Variants in RSL1D1 observed in about 807,000 individuals in gnomAD.
RSL1D1 encodes ribosomal L1 domain-containing protein 1.
Under a neutral mutation model 44.6 loss-of-function variants are expected in RSL1D1, and 34 were observed. The ratio of observed to expected loss-of-function variants is 0.76; its 90% CI spans 0.58 to 1.02. RSL1D1 has a LOEUF of 1.02. RSL1D1 is among the 50% of genes least tolerant of loss of function. The probability of loss-of-function intolerance (pLI) is 0.00; values close to 1 mark genes in which losing one functional copy is unlikely to be tolerated. For missense variants in RSL1D1, 767 were observed against 568.1 expected, an observed-to-expected ratio of 1.35 and a Z score of -3.56; for synonymous variants, 271 against 207.4, an observed-to-expected ratio of 1.31 and a Z score of -2.63.
At chr16:11,838,909 A>G (rs999962982) in intron 8 of RSL1D1, among the ~76,000 whole-genome samples, 3 of 151,456 alleles carry the variant, frequency 2.0e-5, no homozygotes, top group African/African-American at 7.3e-5. Flanking sequence ...TCCTGGTCCA[A>G]TCAGAGGAAA....
In RSL1D1 at chr16:11,839,704, T is replaced by C; in HGVS notation, c.1137A>G (p.Glu379=). The part of the protein sequence containing the change: ...VPIGKKTPAN[E]KVEIQKHATG... ...AATATTAAAACAATACCTCTACTTTTTCATTAGCTGGAGTCTTCTTTCCTA... is the reference window on the plus strand; with the variant it reads ...AATATTAAAACAATACCTCTACTTTCTCATTAGCTGGAGTCTTCTTTCCTA... Residue 379 remains glutamate (E), a synonymous_variant, in exon 8 of 9, where the codon GAA becomes GAG. Transcript: ENST00000571133. 1 of 1,613,710 alleles carries C rather than the reference T, an allele frequency of 6.2e-7. No individual in the cohort carries two copies. The highest frequency in any genetic ancestry group is 1.6e-4 in the Middle Eastern group (1 of 6,062).
At chr16:11,843,398 C>T (rs1320928285) in intron 5 of RSL1D1, among the ~76,000 whole-genome samples, 2 of 151,858 alleles carry the variant, frequency 1.3e-5, no homozygotes, top group African/African-American at 4.8e-5. Flanking sequence ...GCTGGTAGCA[C>T]CTGACTGTGA....
Position 11,834,453 on chromosome 16 carries a change from T to C in RSL1D1, c.*3334A>G, listed in dbSNP as rs1384597507. ...AACAGGAAAGTAAACACCTGTGTCA[T>C]GTTCAACAAGACTGAACTACGGAGC... On this transcript the variant is annotated 3_prime_UTR_variant, in exon 9 of 9. Transcript: ENST00000571133. 1.3e-5 allele frequency: 2 copies of C among 152,264 alleles called. No homozygotes were observed. Among genetic ancestry groups the C allele is most frequent in the East Asian group, 1.9e-4 (1 of 5,220 alleles). 9.4% of individuals were successfully genotyped at this position (152,264 alleles called of 1,614,324 possible).
intron 1 of RSL1D1, 24 bp downstream of exon 1, chr16:11,851,384 C>T: frequency 6.2e-7 from 1 of 1,609,060 alleles, no homozygotes; most frequent in Non-Finnish European, 8.5e-7. Context: ...TGCTTCCAAG[C>T]CACCCTCCCC....
At chr16:11,845,114 G>A (rs1305626892) in intron 5 of RSL1D1, among the ~76,000 whole-genome samples, 2 of 152,156 alleles carry the variant, frequency 1.3e-5, no homozygotes, top group African/African-American at 4.8e-5. Flanking sequence ...GTTAAACCAA[G>A]AATGAGGTGG....
rs746433125 is a variant in RSL1D1, at chr16:11,846,895, A to T, written c.385-52T>A. On this transcript the variant is annotated intron_variant, in intron 3 of 8. Coordinates refer to ENST00000571133, the MANE Select transcript of RSL1D1 (RefSeq NM_015659.3). ...CAAGAAGTTAGGAATCTAAACAAGG[A>T]GAAGAAATACTTAGGCAACAATTTG... 7.4e-6 allele frequency: 11 copies of T among 1,481,764 alleles called. No homozygotes were observed. In the Admixed American group the frequency reaches 1.8e-4, roughly 25 times the overall value. 91.8% of individuals were successfully genotyped at this position (1,481,764 alleles called of 1,614,324 possible).
intron 5 of RSL1D1, among the ~76,000 whole-genome samples, chr16:11,844,896 C>T (rs998421182): frequency 3.3e-5 from 5 of 152,220 alleles, no homozygotes; most frequent in African/African-American, 4.8e-5. Context: ...TAAGTCACTT[C>T]TCAGCCTAAT....
chr16:11,848,380 G>T (rs2053813707), intron 2 of RSL1D1, among the ~76,000 whole-genome samples: 1 of 152,148 alleles, frequency 6.6e-6, no homozygotes, highest in African/African-American at 2.4e-5. Flanking sequence ...ACTTCCAAAT[G>T]CTTGCATATA....
chr16:11,850,178 T>C, intron 2 of RSL1D1, 101 bp downstream of exon 2: 1 of 1,180,002 alleles, frequency 8.5e-7, no homozygotes, highest in Non-Finnish European at 1.2e-6. Context: ...ATTTTTATTA[T>C]AAGTTTGCAA....
Position 11,833,865 on chromosome 16 carries a change from A to C in RSL1D1, c.*3922T>G, listed in dbSNP as rs952011464. On this transcript the variant is annotated 3_prime_UTR_variant, in exon 9 of 9. Coordinates refer to ENST00000571133, the MANE Select transcript of RSL1D1 (RefSeq NM_015659.3). The stretch of plus-strand genomic sequence containing the variant: ...AATACATTCATGGCATTTAAAATGA[A>C]ATTTTAATTATTACGATTCCTAAAA... 2 of 151,544 alleles carry C rather than the reference A, an allele frequency of 1.3e-5. No individual in the cohort carries two copies. The highest frequency in any genetic ancestry group is 2.9e-5 in the Non-Finnish European group (2 of 68,004). The allele number at this position is 151,544 out of a possible 1,614,324, so 9.4% of individuals were successfully genotyped here.
chr16:11,835,196 CTCTTTT>C lies in RSL1D1; in HGVS notation c.*2585_*2590del, dbSNP rs1387372073. 1 of 148,086 alleles carries C rather than the reference CTCTTTT, an allele frequency of 6.8e-6. No individual in the cohort carries two copies. Among genetic ancestry groups the C allele is most frequent in the Non-Finnish European group, 1.5e-5 (1 of 67,066 alleles). 9.2% of individuals were successfully genotyped at this position (148,086 alleles called of 1,614,324 possible). A position where few individuals can be genotyped will look rare whatever the true frequency, so the allele number is the denominator to read the frequency against. On this transcript the variant is annotated 3_prime_UTR_variant, in exon 9 of 9. Coordinates refer to ENST00000571133, the MANE Select transcript of RSL1D1 (RefSeq NM_015659.3). ...GGGAGAGCTAGATGTTTTTTTTTTT[CTCTTTT>C]TTTCAGTTTTGCTCTGCCGCCCAGG... is the stretch of plus-strand genomic sequence containing the variant.
Position 11,835,361 on chromosome 16 carries a change from T to C in RSL1D1, c.*2426A>G, listed in dbSNP as rs2053709247. Reference sequence around the variant, plus strand: ...CATGCCTGGCTAGTTTTTGTATTTTTAGTAGAGATGGGGTTTCACCATGTA... The same window carrying C: ...CATGCCTGGCTAGTTTTTGTATTTTCAGTAGAGATGGGGTTTCACCATGTA... On this transcript the variant is annotated 3_prime_UTR_variant, in exon 9 of 9. Transcript: ENST00000571133. The C allele has an allele frequency of 6.6e-6, 1 of 151,906 alleles. No homozygotes were observed. Among genetic ancestry groups the C allele is most frequent in the South Asian group, 2.1e-4 (1 of 4,810 alleles). 9.4% of individuals were successfully genotyped at this position (151,906 alleles called of 1,614,324 possible). A position where few individuals can be genotyped will look rare whatever the true frequency, so the allele number is the denominator to read the frequency against.
In RSL1D1 at chr16:11,839,793, T is replaced by G; in HGVS notation, c.1048A>C (p.Arg350=). ...GTTGCTTTAACTTGGGCTTTTCCTC[T>G]GCCACGTTTTTTCTTCCCATGCTCT... ...TPEHGKKKRG[R]GKAQVKATNE... Residue 350 remains arginine, a synonymous_variant, in exon 8 of 9, where the codon AGA becomes CGA. Transcript: ENST00000571133. 1.2e-6 allele frequency: 2 copies of G among 1,614,186 alleles called. No individual in the cohort carries two copies.
chr16:11,843,019 T>G (rs1270845788), intron 5 of RSL1D1, among the ~76,000 whole-genome samples: 1 of 151,420 alleles, frequency 6.6e-6, no homozygotes, highest in African/African-American at 2.4e-5. Context: ...CCTCCTGGGT[T>G]CAAGCGATTC....
At position 11,850,501 on chromosome 16, in the gene RSL1D1, A is replaced by G. The variant is rs1199235558; in HGVS notation, c.106-83T>C. On this transcript the variant is annotated intron_variant, in intron 1 of 8. Transcript: ENST00000571133. ...AAATGAAATGTTCTCAATCTAATTT[A>G]GCATTTGCCCCCTCCCACACCTTCT... 3 of 1,424,160 alleles carry G rather than the reference A, an allele frequency of 2.1e-6. No homozygotes were observed. In the African/African-American group the frequency reaches 4.4e-5, roughly 21 times the overall value. The allele number at this position is 1,424,160 out of a possible 1,614,324, so 88.2% of individuals were successfully genotyped here. A position where few individuals can be genotyped will look rare whatever the true frequency, so the allele number is the denominator to read the frequency against.
chr16:11,847,517 T>C, intron 3 of RSL1D1, 151 bp downstream of exon 3: 1 of 653,828 alleles, frequency 1.5e-6, no homozygotes, highest in Non-Finnish European at 2.6e-6. Context: ...TTGCAAGATA[T>C]AAAAGCTACT....
At chr16:11,842,892 A>C (rs371737519) in intron 5 of RSL1D1, among the ~76,000 whole-genome samples, 1 of 149,638 alleles carries the variant, frequency 6.7e-6, no homozygotes, top group Non-Finnish European at 1.5e-5. Context: ...AGTAGCTGAG[A>C]TTACAGGCGC....
At chr16:11,846,631 A>C (rs1182296943) in intron 4 of RSL1D1, 29 bp from the exon 5 acceptor site, 1 of 1,601,228 alleles carries the variant, frequency 6.2e-7, no homozygotes, top group Non-Finnish European at 8.6e-7. Context: ...GGCATTCAGA[A>C]CACAATGCAT....
Position 11,837,552 on chromosome 16 carries a change from T to C in RSL1D1, c.*235A>G, listed in dbSNP as rs1354845075. The C allele has an allele frequency of 1.4e-5, 6 of 414,190 alleles. No individual in the cohort carries two copies. The East Asian group carries it at 1.7e-4, about 12-fold the overall frequency. The allele number at this position is 414,190 out of a possible 1,614,324, so 25.7% of individuals were successfully genotyped here. A position where few individuals can be genotyped will look rare whatever the true frequency, so the allele number is the denominator to read the frequency against. On this transcript the variant is annotated 3_prime_UTR_variant, in exon 9 of 9. Transcript: ENST00000571133. Reference sequence around the variant, plus strand: ...TTTTGGTACAGACAGGGTTTCACCATGTTGGCCAGGATGGTCTCGATCTCG... The same window carrying C: ...TTTTGGTACAGACAGGGTTTCACCACGTTGGCCAGGATGGTCTCGATCTCG...
Sources: allele counts gnomAD v4.1 joint callset (sites outside exome capture counted in the v4.1 genomes callset), GRCh38; gene constraint gnomAD v4.1.1; transcripts MANE v1.5; gene names NCBI Gene and HGNC (gene_info 2026-07-23, HGNC 2026-07-21).